ROBO2: variants seen among roughly 807,000 people sequenced by gnomAD.
The protein encoded by ROBO2 is roundabout guidance receptor 2, also known as roundabout homolog 2.
In ROBO2, 53 loss-of-function variants were observed where a neutral mutation model predicts 160.8. The observed-to-expected ratio is 0.33, with a 90% CI of 0.26 to 0.41. The LOEUF (loss-of-function observed/expected upper bound fraction) is 0.41, where lower values mean the gene tolerates loss of function less well. Ranked by LOEUF, ROBO2 falls within the 10% of genes least tolerant of loss-of-function variation. The pLI is 1.00. For missense variants in ROBO2, 1,577 were observed against 1,722.4 expected (o/e 0.92, Z 1.49); for synonymous variants, 664 against 611.7 (o/e 1.09, Z -1.26).
chr3:77,292,949 A>T (rs1424925939), intron 2 of ROBO2, among the ~76,000 whole-genome samples: 1 of 150,898 alleles, frequency 6.6e-6, no homozygotes, highest in African/African-American at 2.4e-5. Context: ...ATTAAACGGT[A>T]AGCTGAGGCT....
At chr3:76,897,655 T>C (rs1027164159) in intron 2 of ROBO2, among the ~76,000 whole-genome samples, 10 of 151,944 alleles carry the variant, frequency 6.6e-5, no homozygotes, top group African/African-American at 2.4e-4. Context: ...CTTTGGTGAA[T>C]GTATGTTCTG....
intron 2 of ROBO2, among the ~76,000 whole-genome samples, chr3:76,730,970 T>G (rs1213712807): frequency 1.0e-4 from 7 of 69,348 alleles, no homozygotes; most frequent in African/African-American, 1.2e-4. Flanking sequence ...CCTCACCTCC[T>G]ACTCCCTACC....
At chr3:77,046,856 C>T (rs1036545592) in intron 1 of ROBO2, among the ~76,000 whole-genome samples, 5 of 152,218 alleles carry the variant, frequency 3.3e-5, no homozygotes, top group African/African-American at 9.6e-5. Flanking sequence ...GAAGAACATG[C>T]TGACCTGTGA....
chr3:76,435,385 A>G, intron 2 of ROBO2: 1 of 781,830 alleles, frequency 1.3e-6, no homozygotes, highest in Admixed American at 1.7e-5. Flanking sequence ...ACCCTACAGC[A>G]TGGGCAGAAG....
chr3:77,266,051 A>T (rs1423831208), intron 2 of ROBO2, among the ~76,000 whole-genome samples: 2 of 152,168 alleles, frequency 1.3e-5, no homozygotes, highest in Admixed American at 1.3e-4. Flanking sequence ...GTTCCAAAAG[A>T]TTACCTAACC....
chr3:77,178,828 G>C (rs1214532791), intron 2 of ROBO2, among the ~76,000 whole-genome samples: 1 of 152,010 alleles, frequency 6.6e-6, no homozygotes, highest in Non-Finnish European at 1.5e-5. Flanking sequence ...GCTACTATTA[G>C]TAAGAGCAAA....
intron 2 of ROBO2, among the ~76,000 whole-genome samples, chr3:76,277,085 C>T (rs575406650): frequency 2.6e-5 from 4 of 152,006 alleles, no homozygotes; most frequent in Admixed American, 1.3e-4. Context: ...ACTATCTCAA[C>T]CACCCATGTG....
intron 2 of ROBO2, among the ~76,000 whole-genome samples, chr3:76,115,982 G>A (rs1476503399): frequency 6.6e-6 from 1 of 152,112 alleles, no homozygotes; most frequent in Admixed American, 6.6e-5. Flanking sequence ...GATCATGTAT[G>A]TCTATTCCAA....
intron 2 of ROBO2, among the ~76,000 whole-genome samples, chr3:76,922,988 G>A (rs1231436885): frequency 4.6e-5 from 7 of 152,192 alleles, no homozygotes; most frequent in Non-Finnish European, 2.9e-5. Flanking sequence ...CCGCTCTCAA[G>A]AGAACTCAGT....
chr3:77,201,925 T>C (rs2151023446), intron 2 of ROBO2, among the ~76,000 whole-genome samples: 1 of 152,296 alleles, frequency 6.6e-6, no homozygotes, highest in African/African-American at 2.4e-5. Flanking sequence ...ACAAAACAAG[T>C]TATGGGTGGC....
intron 2 of ROBO2, among the ~76,000 whole-genome samples, chr3:77,133,890 T>A (rs953505244): frequency 1.2e-4 from 19 of 152,228 alleles, no homozygotes; most frequent in African/African-American, 4.6e-4. Flanking sequence ...ATTTTCAAAA[T>A]TCCAAGCAAA....
At position 76,929,773 on chromosome 3, in the gene ROBO2, A is replaced by C. The variant is rs549341287; in HGVS notation, c.110-168241A>C. ...CAGTGTCTGTGGGTCTCAGGGAAGA[A>C]GAGACTCCACTGTGTGTGGATCTCA... On this transcript the variant is annotated intron_variant, in intron 2 of 26. Transcript: ENST00000487694. 8.6e-5 allele frequency among the ~76,000 whole-genome samples: 13 copies of C among 152,028 alleles called. No individual in the cohort carries two copies. In the South Asian group the frequency reaches 2.7e-3, roughly 32 times the overall value.
intron 1 of ROBO2, among the ~76,000 whole-genome samples, chr3:77,044,362 G>T (rs1158134291): frequency 6.6e-6 from 1 of 152,140 alleles, no homozygotes; most frequent in Non-Finnish European, 1.5e-5. Context: ...TGCTGAAATA[G>T]TTCCGGCAGT....
rs2065354719 is a variant in ROBO2, at chr3:77,326,077, T to C, written c.389-151337T>C. ...AAATAGCAATTAGCACCTTGTGTGA[T>C]CTGATAAATACTCACTGAATGAAAA... On this transcript the variant is annotated intron_variant, in intron 2 of 25. Transcript: ENST00000461745. Among the ~76,000 whole-genome samples the C allele has an allele frequency of 1.3e-5, 2 of 152,228 alleles. 1 individual carries two copies. Among genetic ancestry groups the C allele is most frequent in the South Asian group, 4.1e-4 (2 of 4,836 alleles).
intron 2 of ROBO2, among the ~76,000 whole-genome samples, chr3:77,366,878 G>T (rs1053451049): frequency 7.0e-6 from 1 of 143,576 alleles, no homozygotes; most frequent in African/African-American, 2.5e-5. Context: ...AATTAATAGT[G>T]AGAACTCTCA....
In ROBO2 at chr3:77,385,763, G is replaced by A. The variant is rs143210843; in HGVS notation, c.389-91651G>A. 5.0e-3 allele frequency among the ~76,000 whole-genome samples: 758 copies of A among 152,216 alleles called. 3 individuals carry two copies. Among genetic ancestry groups the A allele is most frequent in the African/African-American group, 0.017 (723 of 41,528 alleles). On this transcript the variant is annotated intron_variant, in intron 2 of 25. Coordinates refer to ENST00000461745, the Ensembl canonical transcript of ROBO2. Reference sequence around the variant, plus strand: ...ACATGAAGTTCCTGCCGCACAGTAAGACATTGTATGTTTTCCTGCCTTAAG... The same window carrying A: ...ACATGAAGTTCCTGCCGCACAGTAAAACATTGTATGTTTTCCTGCCTTAAG...
intron 2 of ROBO2, among the ~76,000 whole-genome samples, chr3:76,064,258 G>A (rs145434114): frequency 9.9e-5 from 15 of 152,268 alleles, no homozygotes; most frequent in African/African-American, 3.6e-4. Flanking sequence ...TTCTAATTTT[G>A]TTGTAATCTG....
chr3:77,402,448 A>G (rs1560734575), intron 2 of ROBO2, among the ~76,000 whole-genome samples: 1 of 152,124 alleles, frequency 6.6e-6, no homozygotes, highest in Non-Finnish European at 1.5e-5. Context: ...AAAATTAAAA[A>G]TAAAATAAAA....
intron 2 of ROBO2, among the ~76,000 whole-genome samples, chr3:76,853,752 G>A (rs1025056677): frequency 5.3e-5 from 8 of 152,034 alleles, no homozygotes; most frequent in Non-Finnish European, 8.8e-5. Context: ...AAATATTGTC[G>A]TTTGTTCTGT....
Sources: allele counts gnomAD v4.1 joint callset (sites outside exome capture counted in the v4.1 genomes callset), GRCh38; gene constraint gnomAD v4.1.1; transcripts MANE v1.5; gene names NCBI Gene and HGNC (gene_info 2026-07-23, HGNC 2026-07-21).